The following SYNPR variants were observed in gnomAD, a reference collection of about 807,000 sequenced individuals.
SYNPR encodes synaptoporin.
In SYNPR, 23 loss-of-function variants were observed where a neutral mutation model predicts 32.9. That is an observed-to-expected ratio of 0.70 (90% CI 0.50 to 0.99). The LOEUF (loss-of-function observed/expected upper bound fraction) is 0.99, where lower values mean the gene tolerates loss of function less well. SYNPR is among the 50% of genes least tolerant of loss of function. The pLI, the probability that SYNPR is intolerant of heterozygous loss-of-function variation, is 0.00. For synonymous variants in SYNPR, 146 were observed against 135.9 expected (o/e 1.07, Z -0.52); for missense variants, 318 against 349.3 (o/e 0.91, Z 0.71).
Position 63,538,825 on chromosome 3 carries a change from C to A in SYNPR, c.210-17718C>A, listed in dbSNP as rs192007135. 3.9e-5 allele frequency among the ~76,000 whole-genome samples: 6 copies of A among 152,218 alleles called. No homozygotes were observed. The East Asian group carries it at 1.2e-3, about 30-fold the overall frequency. On this transcript the variant is annotated intron_variant, in intron 3 of 5. Transcript: ENST00000478300. ...AGTTTGGAGGTGGTTAATTACACTG[C>A]ATTATCATGGCAATAGCTAACTGAT...
rs147881315 is a variant in SYNPR, at chr3:63,351,827, G to T, written c.84+73085G>T. ...CCATTCTTCCTGTCCTGGAACTTAA[G>T]AAGTTCTAAGTGGGGGAGAGATAAA... On this transcript the variant is annotated intron_variant, in intron 2 of 5. Transcript: ENST00000478300. Among the ~76,000 whole-genome samples, 605 of 152,216 alleles carry T rather than the reference G, an allele frequency of 4.0e-3. 4 individuals are homozygous for T. Among genetic ancestry groups the T allele is most frequent in the African/African-American group, 0.014 (574 of 41,472 alleles).
chr3:63,457,996 T>G (rs1700516085), intron 2 of SYNPR, among the ~76,000 whole-genome samples: 1 of 152,166 alleles, frequency 6.6e-6, no homozygotes, highest in African/African-American at 2.4e-5. Flanking sequence ...CTTTCCCAGA[T>G]TCTCATTTAA....
At chr3:63,355,224 A>T (rs1445308235) in intron 2 of SYNPR, among the ~76,000 whole-genome samples, 1 of 151,336 alleles carries the variant, frequency 6.6e-6, no homozygotes, top group Non-Finnish European at 1.5e-5. Flanking sequence ...GGTTGCGGTG[A>T]GCCAAGATCA....
At chr3:63,454,909 T>C (rs1366228305) in intron 2 of SYNPR, among the ~76,000 whole-genome samples, 1 of 152,160 alleles carries the variant, frequency 6.6e-6, no homozygotes, top group African/African-American at 2.4e-5. Flanking sequence ...TTATGAGCCA[T>C]GGAGCATCAG....
intron 2 of SYNPR, among the ~76,000 whole-genome samples, chr3:63,423,407 G>A (rs1004052282): frequency 6.6e-6 from 1 of 152,206 alleles, no homozygotes; most frequent in South Asian, 2.1e-4. Context: ...CCAGCGAGGA[G>A]ACAGGAGAAG....
chr3:63,482,438 T>A (rs578183930), intron 3 of SYNPR, among the ~76,000 whole-genome samples: 30 of 152,240 alleles, frequency 2.0e-4, no homozygotes, highest in Non-Finnish European at 3.2e-4. Context: ...ACTGAGAAAG[T>A]TGGAGCAGGA....
chr3:63,333,861 C>T (rs1009374050), intron 2 of SYNPR, among the ~76,000 whole-genome samples: 2 of 152,120 alleles, frequency 1.3e-5, no homozygotes, highest in Non-Finnish European at 2.9e-5. Flanking sequence ...AGGAAACAGC[C>T]TCTATGTCTA....
chr3:63,608,335 G>A (rs916824600), intron 4 of SYNPR, among the ~76,000 whole-genome samples: 15 of 152,260 alleles, frequency 9.9e-5, no homozygotes, highest in Admixed American at 8.5e-4. Context: ...GACAGACCTA[G>A]ATTTGAATTC....
chr3:63,427,959 A>T (rs1699921791), intron 2 of SYNPR, among the ~76,000 whole-genome samples: 1 of 152,214 alleles, frequency 6.6e-6, no homozygotes, highest in African/African-American at 2.4e-5. Flanking sequence ...AGAAATGGAA[A>T]CTGAATAAGT....
chr3:63,248,364 C>T (rs2367766), intron 1 of SYNPR, among the ~76,000 whole-genome samples: 112,750 of 151,954 alleles, frequency 0.74, 42,559 homozygotes, highest in Middle Eastern at 0.85. Context: ...GATGAAGATA[C>T]GGGTGAAGTG....
In SYNPR at chr3:63,350,233, CACACACACATACAA is replaced by C. The variant is rs530674915; in HGVS notation, c.84+71497_84+71510del. 2.2e-3 allele frequency among the ~76,000 whole-genome samples: 324 copies of C among 145,898 alleles called. 6 individuals carry two copies. The East Asian group carries it at 0.055, about 25-fold the overall frequency. On this transcript the variant is annotated intron_variant, in intron 2 of 5. Transcript: ENST00000478300. ...TATTCTACACACACACACACACACA[CACACACACATACAA>C]ACACAATTATTAACTCTATAGGGGA...
intron 2 of SYNPR, among the ~76,000 whole-genome samples, chr3:63,341,563 G>T (rs2087371248): frequency 6.6e-6 from 1 of 151,984 alleles, no homozygotes; most frequent in South Asian, 2.1e-4. Context: ...GCTATGTAGT[G>T]GTATCTCATT....
chr3:63,598,378 G>C (rs1037815548), intron 4 of SYNPR, among the ~76,000 whole-genome samples: 5 of 152,202 alleles, frequency 3.3e-5, no homozygotes, highest in African/African-American at 9.6e-5. Flanking sequence ...TTTGCTAACA[G>C]CAACTTATGA....
chr3:63,371,739 G>A (rs1428910768), intron 2 of SYNPR, among the ~76,000 whole-genome samples: 1 of 152,186 alleles, frequency 6.6e-6, no homozygotes, highest in Non-Finnish European at 1.5e-5. Flanking sequence ...GTGGGACCCT[G>A]GACCTCGGAC....
chr3:63,240,772 T>C (rs551981285), intron 1 of SYNPR, among the ~76,000 whole-genome samples: 2 of 152,072 alleles, frequency 1.3e-5, no homozygotes, highest in Non-Finnish European at 2.9e-5. Context: ...GAATATCCCA[T>C]TTTTCATAAT....
intron 2 of SYNPR, among the ~76,000 whole-genome samples, chr3:63,456,599 G>A (rs1249075754): frequency 1.3e-5 from 2 of 152,114 alleles, no homozygotes; most frequent in Admixed American, 6.6e-5. Flanking sequence ...CAGAAGACTT[G>A]ATGGGTTTAG....
chr3:63,439,513 A>C (rs1700133487), intron 2 of SYNPR, among the ~76,000 whole-genome samples: 1 of 152,230 alleles, frequency 6.6e-6, no homozygotes, highest in African/African-American at 2.4e-5. Context: ...GCTAGCTGAC[A>C]AGATTATTTC....
chr3:63,266,092 C>G (rs1010698860), intron 2 of SYNPR, among the ~76,000 whole-genome samples: 15 of 152,136 alleles, frequency 9.9e-5, no homozygotes, highest in African/African-American at 3.4e-4. Context: ...CTGCAAAGAT[C>G]CAAACCAGGT....
intron 3 of SYNPR, among the ~76,000 whole-genome samples, chr3:63,514,144 T>C (rs888920453): frequency 6.6e-6 from 1 of 152,174 alleles, no homozygotes; most frequent in African/African-American, 2.4e-5. Flanking sequence ...CATGTAGGTA[T>C]AATCAAAGCA....
Sources: gnomAD v4.1 joint callset for allele counts (sites outside exome capture counted in the v4.1 genomes callset) on GRCh38, gnomAD v4.1.1 for gene constraint, MANE v1.5 for transcripts, NCBI Gene and HGNC (gene_info 2026-07-23, HGNC 2026-07-21) for gene names.